Variants in CELF4 observed in about 807,000 individuals in gnomAD.
CELF4 encodes CUG-BP- and ETR-3-like factor 4.
A neutral mutation model predicts 59.9 loss-of-function variants in CELF4; 18 were observed. The observed-to-expected ratio is 0.30, with a 90% CI of 0.21 to 0.45. The LOEUF is 0.45. Ranked by LOEUF, CELF4 falls within the 20% of genes least tolerant of loss-of-function variation. CELF4 has a pLI of 1.00. For missense variants in CELF4, 456 were observed against 689.0 expected, an observed-to-expected ratio of 0.66 and a Z score of 3.79; for synonymous variants, 261 against 267.1, an observed-to-expected ratio of 0.98 and a Z score of 0.22.
At position 37,485,555 on chromosome 18, in the gene CELF4, G is replaced by A; in HGVS notation, c.339C>T (p.Ser113=). The A allele has an allele frequency of 6.9e-7, 1 of 1,442,934 alleles. No individual in the cohort carries two copies. The highest frequency in any genetic ancestry group is 9.2e-7 in the Non-Finnish European group (1 of 1,086,432). The allele number at this position is 1,442,934 out of a possible 1,614,324, so 89.4% of individuals were successfully genotyped here. A position where few individuals can be genotyped will look rare whatever the true frequency, so the allele number is the denominator to read the frequency against. The change falls in exon 2 of 13, where the codon AGC becomes AGT. Residue 113 remains serine (S), a synonymous_variant. Coordinates refer to ENST00000420428, the MANE Select transcript of CELF4 (RefSeq NM_020180.4). ...CERESALKAQ[S]ALHEQKTLPG... ...GCAGAGTCTTCTGCTCGTGCAGCGC[G>A]CTCTGGGCCTTCAGCGCTGACTCAC...
chr18:37,546,304 C>T (rs1187706493), intron 1 of CELF4, among the ~76,000 whole-genome samples: 2 of 152,140 alleles, frequency 1.3e-5, no homozygotes, highest in Non-Finnish European at 2.9e-5. Context: ...TCTCACAGGC[C>T]GGGATTGGAG....
At chr18:37,446,516 C>T (rs1178391641) in intron 2 of CELF4, among the ~76,000 whole-genome samples, 3 of 152,168 alleles carry the variant, frequency 2.0e-5, no homozygotes, top group African/African-American at 7.2e-5. Context: ...AGTCCCTGGT[C>T]TCTTTGTGAC....
At chr18:37,453,710 A>AG (rs2099770371) in intron 2 of CELF4, among the ~76,000 whole-genome samples, 1 of 152,156 alleles carries the variant, frequency 6.6e-6, no homozygotes. Flanking sequence ...ATTCAGGCTG[A>AG]GGGCAGGGTG....
intron 2 of CELF4, among the ~76,000 whole-genome samples, chr18:37,420,732 G>A (rs964905658): frequency 8.5e-5 from 13 of 152,186 alleles, no homozygotes; most frequent in African/African-American, 2.4e-4. Context: ...GGAGCCACAG[G>A]CTTCCTGCAT....
intron 2 of CELF4, among the ~76,000 whole-genome samples, chr18:37,442,304 A>G (rs2099733487): frequency 6.6e-6 from 1 of 152,220 alleles, no homozygotes; most frequent in Admixed American, 6.5e-5. Context: ...ATAAAGAAAT[A>G]AAGATGGAAG....
At chr18:37,511,869 G>C (rs796196161) in intron 1 of CELF4, among the ~76,000 whole-genome samples, 3 of 151,972 alleles carry the variant, frequency 2.0e-5, no homozygotes, top group South Asian at 4.2e-4. Context: ...CCCCAAGCAG[G>C]GGCATCTGTC....
intron 2 of CELF4, among the ~76,000 whole-genome samples, chr18:37,390,810 G>GGC (rs2099152457): frequency 2.2e-5 from 3 of 138,646 alleles, no homozygotes; most frequent in African/African-American, 2.6e-5. Context: ...GGCGGGGAGG[G>GGC]GGGGCAGTGC....
At chr18:37,288,785 A>G (rs908392713) in intron 3 of CELF4, among the ~76,000 whole-genome samples, 1 of 152,032 alleles carries the variant, frequency 6.6e-6, no homozygotes, top group Non-Finnish European at 1.5e-5. Context: ...GAGAGAACCA[A>G]CCATTTTGAA....
Position 37,549,060 on chromosome 18 carries a change from G to A in CELF4, c.286+16296C>T, listed in dbSNP as rs571254623. On this transcript the variant is annotated intron_variant, in intron 1 of 12. Transcript: ENST00000420428. ...TCAGAGGGGTGACTGGTGAAGCGGG[G>A]CCAGTCGCTCCCAGAGCTGGTCCTG... 7.2e-5 allele frequency among the ~76,000 whole-genome samples: 11 copies of A among 152,344 alleles called. 1 individual carries two copies. In the East Asian group the frequency reaches 1.9e-3, roughly 27 times the overall value.
At chr18:37,303,870 G>A (rs956209229) in intron 3 of CELF4, among the ~76,000 whole-genome samples, 10 of 152,090 alleles carry the variant, frequency 6.6e-5, no homozygotes, top group Admixed American at 1.3e-4. Flanking sequence ...CTGTCATTCT[G>A]TGGCCCTCCT....
chr18:37,561,495 A>G (rs2099986524), intron 1 of CELF4, among the ~76,000 whole-genome samples: 1 of 152,218 alleles, frequency 6.6e-6, no homozygotes. Flanking sequence ...TCCAGAGAGC[A>G]CTAGTCTTTA....
intron 2 of CELF4, among the ~76,000 whole-genome samples, chr18:37,338,854 C>G (rs971072176): frequency 3.3e-5 from 5 of 151,636 alleles, no homozygotes; most frequent in Non-Finnish European, 7.4e-5. Context: ...CATGGGCAAC[C>G]ATGCCCAGCG....
At chr18:37,494,460 A>AG (rs2099922588) in intron 1 of CELF4, among the ~76,000 whole-genome samples, 1 of 152,296 alleles carries the variant, frequency 6.6e-6, no homozygotes, top group Non-Finnish European at 1.5e-5. Context: ...TCCTGCAGCC[A>AG]GGGGCTTGCT....
intron 2 of CELF4, among the ~76,000 whole-genome samples, chr18:37,325,837 T>C (rs1163281728): frequency 6.6e-6 from 1 of 152,206 alleles, no homozygotes; most frequent in Non-Finnish European, 1.5e-5. Flanking sequence ...CATTATAATC[T>C]GATGGTGGTC....
chr18:37,553,446 G>C (rs547608958), intron 1 of CELF4, among the ~76,000 whole-genome samples: 1 of 152,244 alleles, frequency 6.6e-6, no homozygotes, highest in Admixed American at 6.5e-5. Flanking sequence ...CAGAAGTTCC[G>C]GGACACAGCA....
At position 37,540,474 on chromosome 18, in the gene CELF4, G is replaced by T. The variant is rs1016712539; in HGVS notation, c.286+24882C>A. On this transcript the variant is annotated intron_variant, in intron 1 of 12. Transcript: ENST00000420428. Reference sequence around the variant, plus strand: ...TCCCAAGGAGCTCTTCCCTTCTAGGGGTTCAGAGAAACGAGCCAGCACGGT... The same window carrying T: ...TCCCAAGGAGCTCTTCCCTTCTAGGTGTTCAGAGAAACGAGCCAGCACGGT... Among the ~76,000 whole-genome samples, 36 of 152,328 alleles carry T rather than the reference G, an allele frequency of 2.4e-4. No homozygotes were observed. In the East Asian group the frequency reaches 3.1e-3, roughly 13 times the overall value.
At chr18:37,462,963 T>G (rs963031595) in intron 2 of CELF4, among the ~76,000 whole-genome samples, 7 of 152,230 alleles carry the variant, frequency 4.6e-5, no homozygotes, top group African/African-American at 1.7e-4. Flanking sequence ...TAAGAGCCAT[T>G]TGAAATGCCT....
intron 2 of CELF4, among the ~76,000 whole-genome samples, chr18:37,366,671 A>T (rs751738754): frequency 1.8e-4 from 27 of 152,318 alleles, no homozygotes; most frequent in Non-Finnish European, 2.9e-4. Flanking sequence ...TTAGGCAAGG[A>T]GGGTCAGGGA....
intron 7 of CELF4, among the ~76,000 whole-genome samples, chr18:37,271,366 T>C (rs921290734): frequency 6.8e-6 from 1 of 147,580 alleles, no homozygotes; most frequent in Non-Finnish European, 1.5e-5. Context: ...ACAATTCTCC[T>C]TCCTCAGCCT....
Sources: gnomAD v4.1 joint callset for allele counts (sites outside exome capture counted in the v4.1 genomes callset) on GRCh38, gnomAD v4.1.1 for gene constraint, MANE v1.5 for transcripts, NCBI Gene and HGNC (gene_info 2026-07-23, HGNC 2026-07-21) for gene names.